EZR: variants seen among roughly 807,000 people sequenced by gnomAD.
EZR encodes the protein ezrin.
EZR carries 40 observed loss-of-function variants against 74.8 expected under a neutral mutation model. That is an observed-to-expected ratio of 0.53 (90% CI 0.42 to 0.70). The LOEUF is 0.70. EZR is among the 30% of genes least tolerant of loss of function. EZR has a pLI of 0.00. For missense variants in EZR, 678 were observed against 755.8 expected, an observed-to-expected ratio of 0.90 and a Z score of 1.21; for synonymous variants, 341 against 283.3, an observed-to-expected ratio of 1.20 and a Z score of -2.05.
intron 7 of EZR, among the ~76,000 whole-genome samples, chr6:158,779,048 G>C (rs1791356679): frequency 6.6e-6 from 1 of 152,150 alleles, no homozygotes; most frequent in Non-Finnish European, 1.5e-5. Context: ...TAAAGGGAAG[G>C]ATAGTGATTT....
chr6:158,801,460 A>G (rs1417716272), intron 2 of EZR, among the ~76,000 whole-genome samples: 1 of 152,208 alleles, frequency 6.6e-6, no homozygotes, highest in East Asian at 1.9e-4. Flanking sequence ...CCATCTATCT[A>G]AGCTCCACAA....
intron 2 of EZR, among the ~76,000 whole-genome samples, chr6:158,816,869 TGAG>T (rs2128578303): frequency 6.6e-6 from 1 of 152,262 alleles, no homozygotes; most frequent in South Asian, 2.1e-4. Context: ...GCAGATCACC[TGAG>T]GTCAGGAGTT....
chr6:158,773,186 G>A (rs1213425230), intron 8 of EZR, among the ~76,000 whole-genome samples: 3 of 152,166 alleles, frequency 2.0e-5, no homozygotes, highest in East Asian at 1.9e-4. Flanking sequence ...TTATGGGGTT[G>A]TGGGGGTGCA....
chr6:158,776,360 A>G (rs968776498), intron 8 of EZR, 48 bp downstream of exon 8: 19 of 1,441,648 alleles, frequency 1.3e-5, no homozygotes, highest in African/African-American at 5.6e-5. Context: ...CCTGACAAGT[A>G]TAAGAATGAA....
rs753553182 is a variant in EZR at position 158,766,851 on chromosome 6, AG to A, written c.*62del. 9.1e-4 allele frequency: 1,309 copies of A among 1,433,810 alleles called. 2 individuals are homozygous for A. The highest frequency in any genetic ancestry group is 1.2e-3 in the Non-Finnish European group (1,208 of 1,032,696). The allele number at this position is 1,433,810 out of a possible 1,614,324, so 88.8% of individuals were successfully genotyped here. On this transcript the variant is annotated 3_prime_UTR_variant, in exon 14 of 14. Transcript: ENST00000367075. ...CTAGACTTGGAGCACTAAAGACACAAGCGTGGCGGGGCTGGCAGCGCCCGCT... is the reference window on the plus strand; with the variant it reads ...CTAGACTTGGAGCACTAAAGACACAACGTGGCGGGGCTGGCAGCGCCCGCT...
At chr6:158,816,197 T>C (rs1277306792) in intron 2 of EZR, among the ~76,000 whole-genome samples, 1 of 152,186 alleles carries the variant, frequency 6.6e-6, no homozygotes, top group African/African-American at 2.4e-5. Flanking sequence ...GAGAGTTTAA[T>C]AGGTACAGAG....
intron 2 of EZR, among the ~76,000 whole-genome samples, chr6:158,815,320 C>G (rs1182924417): frequency 6.6e-6 from 1 of 152,176 alleles, no homozygotes; most frequent in Non-Finnish European, 1.5e-5. Context: ...CGATGCTCTT[C>G]TCAGTGATTT....
rs1393458593 is a variant in EZR, at chr6:158,769,308, TC to T, written c.1344+17del. ...CAGGTGCTGTGGCCGTGCGGAGGTG[TC>T]CCCCGTGCAGACTCACCCTGTGCTG... is the stretch of plus-strand genomic sequence containing the variant. On this transcript the variant is annotated intron_variant, in intron 12 of 13. Transcript: ENST00000367075. 1.2e-6 allele frequency: 2 copies of T among 1,604,816 alleles called. No individual in the cohort carries two copies. Among genetic ancestry groups the T allele is most frequent in the Non-Finnish European group, 8.5e-7 (1 of 1,177,996 alleles).
At position 158,785,493 on chromosome 6, in the gene EZR, G is replaced by C. The variant is rs1791554658; in HGVS notation, c.283C>G (p.Gln95Glu). ...YPEDVAEELIQDITQKLFFLQ... is the reference protein window; with the variant it reads ...YPEDVAEELIEDITQKLFFLQ... Reference sequence around the variant, plus strand: ...AAGAAAAGTTTCTGGGTGATGTCCTGGATGAGCTCCTCAGCCACATCTTCA... The same window carrying C: ...AAGAAAAGTTTCTGGGTGATGTCCTCGATGAGCTCCTCAGCCACATCTTCA... The change falls in exon 5 of 14, where the codon CAG becomes GAG. Residue 95 changes from glutamine to glutamate, a missense_variant. Gln to Glu is a conservative substitution (Grantham distance 29, BLOSUM62 2). Coordinates refer to ENST00000367075, the MANE Select transcript of EZR (RefSeq NM_001111077.2). The C allele has an allele frequency of 1.2e-6, 2 of 1,614,188 alleles. No homozygotes were observed. The highest frequency in any genetic ancestry group is 2.7e-5 in the African/African-American group (2 of 75,048).
Position 158,806,748 on chromosome 6 carries a change from G to A in EZR, c.12+11334C>T, listed in dbSNP as rs1314875678. Among the ~76,000 whole-genome samples the A allele has an allele frequency of 3.3e-5, 5 of 152,036 alleles. No individual in the cohort carries two copies. In the East Asian group the frequency reaches 9.6e-4, roughly 29 times the overall value. On this transcript the variant is annotated intron_variant, in intron 2 of 13. Transcript: ENST00000367075. ...CACTATTTCCACATTGCCTTGTTCAGCCACGTTCTAAATAAAAAATCCAGT... is the reference window on the plus strand; with the variant it reads ...CACTATTTCCACATTGCCTTGTTCAACCACGTTCTAAATAAAAAATCCAGT...
Position 158,766,678 on chromosome 6 carries a change from G to A in EZR, c.*236C>T. 1.8e-6 allele frequency: 1 copy of A among 565,130 alleles called. No homozygotes were observed. Among genetic ancestry groups the A allele is most frequent in the Non-Finnish European group, 3.2e-6 (1 of 316,438 alleles). 35.0% of individuals were successfully genotyped at this position (565,130 alleles called of 1,614,324 possible). On this transcript the variant is annotated 3_prime_UTR_variant, in exon 14 of 14. Transcript: ENST00000367075. ...CAGTCCTGCTCCCAGCACAACACAG[G>A]AGGTGATTCGAGAATAATCGCGAGA...
Position 158,767,064 on chromosome 6 carries a change from C to T in EZR, c.1611G>A (p.Glu537=), listed in dbSNP as rs753434040. ...TATTCTCATCTCGGGCCTGGGACAG[C>T]TCGCTGCTCAGCGTCTGTAACATTA... ...VQRQLLTLSS[E]LSQARDENKR... Residue 537 remains glutamate (E), a synonymous_variant, in exon 14 of 14, where the codon GAG becomes GAA. Transcript: ENST00000367075. 2.2e-5 allele frequency: 35 copies of T among 1,614,060 alleles called. No individual in the cohort carries two copies. The South Asian group carries it at 3.8e-4, about 18-fold the overall frequency.
intron 2 of EZR, among the ~76,000 whole-genome samples, chr6:158,801,393 CA>C (rs573189297): frequency 2.1e-3 from 322 of 151,948 alleles, no homozygotes; most frequent in African/African-American, 6.9e-3. Flanking sequence ...CAAAAACAAA[CA>C]AAAAAAATCT....
intron 2 of EZR, among the ~76,000 whole-genome samples, chr6:158,794,670 G>A (rs531851757): frequency 3.0e-4 from 45 of 152,246 alleles, no homozygotes; most frequent in African/African-American, 1.0e-3. Flanking sequence ...TATCAAAAAC[G>A]GTGTTCAGTG....
chr6:158,790,565 T>C (rs1271993684), intron 2 of EZR, among the ~76,000 whole-genome samples: 1 of 152,172 alleles, frequency 6.6e-6, no homozygotes, highest in Non-Finnish European at 1.5e-5. Flanking sequence ...TCCCAGCTAC[T>C]TGGGAGGCTG....
intron 2 of EZR, among the ~76,000 whole-genome samples, chr6:158,808,807 TATAAA>T (rs1483336617): frequency 6.6e-6 from 1 of 152,162 alleles, no homozygotes; most frequent in African/African-American, 2.4e-5. Flanking sequence ...TAAAGTTTGC[TATAAA>T]ATAATAATGC....
intron 8 of EZR, 120 bp from the exon 9 acceptor site, chr6:158,771,527 G>A: frequency 9.2e-7 from 1 of 1,085,570 alleles, no homozygotes; most frequent in Non-Finnish European, 1.3e-6. Flanking sequence ...AACAGGGATG[G>A]CAGCATCTCG....
rs749975221 is a variant in EZR, at chr6:158,766,903, T to C, written c.*11A>G. The stretch of plus-strand genomic sequence containing the variant: ...ATGAGCACCCCTCTGCCCTTGGTCC[T>C]GGCCTGGCTGTTACAGGGCCTCGAA... On this transcript the variant is annotated 3_prime_UTR_variant, in exon 14 of 14. Coordinates refer to ENST00000367075, the MANE Select transcript of EZR (RefSeq NM_001111077.2). 93 of 1,613,474 alleles carry C rather than the reference T, an allele frequency of 5.8e-5. No homozygotes were observed. The South Asian group carries it at 6.2e-4, about 11-fold the overall frequency.
At chr6:158,798,525 C>A (rs1027371295) in intron 2 of EZR, among the ~76,000 whole-genome samples, 1 of 151,748 alleles carries the variant, frequency 6.6e-6, no homozygotes, top group Non-Finnish European at 1.5e-5. Context: ...TGCTTCTGGG[C>A]GCTATGGGGT....
Sources: gnomAD v4.1 joint callset for allele counts (sites outside exome capture counted in the v4.1 genomes callset) on GRCh38, gnomAD v4.1.1 for gene constraint, MANE v1.5 for transcripts, NCBI Gene and HGNC (gene_info 2026-07-23, HGNC 2026-07-21) for gene names.